Variants in ADCY10 observed in about 807,000 individuals in gnomAD.
The protein encoded by ADCY10 is adenylate cyclase type 10.
A neutral mutation model predicts 183.3 loss-of-function variants in ADCY10; 156 were observed. The ratio of observed to expected loss-of-function variants is 0.85; its 90% CI spans 0.75 to 0.97. The LOEUF (loss-of-function observed/expected upper bound fraction) is 0.97. ADCY10 is among the 50% of genes least tolerant of loss of function. The pLI, the probability that ADCY10 is intolerant of heterozygous loss-of-function variation, is 0.00. For synonymous variants in ADCY10, 645 were observed against 670.0 expected (o/e 0.96, Z 0.58); for missense variants, 1,745 against 1,934.3 (o/e 0.90, Z 1.84).
At chr1:167,842,591 CA>C (rs11306764) in intron 21 of ADCY10, among the ~76,000 whole-genome samples, 70,221 of 146,204 alleles carry the variant, frequency 0.48, 19,269 homozygotes, top group African/African-American at 0.78. Flanking sequence ...GAAGACACTG[CA>C]AAAAAAAAAA....
At chr1:167,880,938 G>A (rs953384550) in intron 9 of ADCY10, among the ~76,000 whole-genome samples, 1 of 152,122 alleles carries the variant, frequency 6.6e-6, no homozygotes, top group Non-Finnish European at 1.5e-5. Flanking sequence ...CAGCAGCACA[G>A]AGCAGTGGAA....
At chr1:167,831,559 A>C (rs910526532) in intron 25 of ADCY10, among the ~76,000 whole-genome samples, 1 of 152,166 alleles carries the variant, frequency 6.6e-6, no homozygotes, top group African/African-American at 2.4e-5. Flanking sequence ...ATGTTGTTCC[A>C]TGTCATACTC....
chr1:167,856,569 A>C, intron 16 of ADCY10, 130 bp from the exon 17 acceptor site: 1 of 886,790 alleles, frequency 1.1e-6, no homozygotes, highest in Non-Finnish European at 1.8e-6. Context: ...ACTAAGTTCA[A>C]TCTTTTCTTT....
Position 167,893,660 on chromosome 1 carries a change from C to A in ADCY10, c.828+193G>T, listed in dbSNP as rs143055562. Among the ~76,000 whole-genome samples, 148 of 131,422 alleles carry A rather than the reference C, an allele frequency of 1.1e-3. 1 individual carries two copies. In the East Asian group the frequency reaches 0.028, roughly 25 times the overall value. The allele number at this position is 131,422 out of a possible 152,430, so 86.2% of individuals were successfully genotyped here. On this transcript the variant is annotated intron_variant, in intron 8 of 32. Coordinates refer to ENST00000367851, the MANE Select transcript of ADCY10 (RefSeq NM_018417.6). ...GCAGTGAGCCAAGATCATGCTGCTG[C>A]ACTTCAGCCTGGGTGACAGAGTGAG...
intron 15 of ADCY10, 25 bp from the exon 16 acceptor site, chr1:167,859,918 T>C: frequency 6.5e-7 from 1 of 1,545,824 alleles, no homozygotes; most frequent in Middle Eastern, 1.7e-4. Context: ...ATGAGAATAT[T>C]GAGTATGGGA....
chr1:167,837,335 T>A lies in ADCY10; in HGVS notation c.3008-17A>T. ...TTTCTTCAGCTAGAAAATAAACAAATGAGTTGTATGGGTCATTGAAATGTT... is the reference window on the plus strand; with the variant it reads ...TTTCTTCAGCTAGAAAATAAACAAAAGAGTTGTATGGGTCATTGAAATGTT... On this transcript the variant is annotated splice_polypyrimidine_tract_variant and intron_variant, in intron 21 of 32. Coordinates refer to ENST00000367851, the MANE Select transcript of ADCY10 (RefSeq NM_018417.6). The A allele has an allele frequency of 1.3e-6, 2 of 1,596,594 alleles. No homozygotes were observed. Among genetic ancestry groups the A allele is most frequent in the Non-Finnish European group, 1.7e-6 (2 of 1,164,090 alleles).
intron 14 of ADCY10, among the ~76,000 whole-genome samples, chr1:167,863,323 G>A (rs540045950): frequency 3.7e-4 from 56 of 152,204 alleles, no homozygotes; most frequent in African/African-American, 1.2e-3. Flanking sequence ...GAAATCTCTC[G>A]TTCTGTTCTG....
At chr1:167,913,930 C>T (rs1670308351) in intron 1 of ADCY10, 46 bp downstream of exon 1, 1 of 152,352 alleles carries the variant, frequency 6.6e-6, no homozygotes, top group Non-Finnish European at 1.5e-5. Flanking sequence ...CCCTCATCTT[C>T]AGCTCTGCAA....
chr1:167,911,282 C>T lies in ADCY10; in HGVS notation c.-59+2694G>A, dbSNP rs372571221. Among the ~76,000 whole-genome samples the T allele has an allele frequency of 1.1e-4, 17 of 152,296 alleles. No homozygotes were observed. The East Asian group carries it at 2.5e-3, about 22-fold the overall frequency. On this transcript the variant is annotated intron_variant, in intron 1 of 32. Transcript: ENST00000367851. ...TAATTAGGAATAAATAGTAACTTAT[C>T]TTAAAAGCAAAATTTATTCAAAGAC...
rs746327114 is a variant in ADCY10, at chr1:167,899,615, G to T, written c.450C>A (p.Gly150=). The part of the protein sequence containing the change: ...DIRVKIGLAA[G]HISMLVFGDE... Reference sequence around the variant, plus strand: ...CTCCAAAGACCAACATGCTGATGTGGCCAGCAGCCAGTCCTGGCAAGAAGG... The same window carrying T: ...CTCCAAAGACCAACATGCTGATGTGTCCAGCAGCCAGTCCTGGCAAGAAGG... Residue 150 remains glycine, a synonymous_variant, in exon 6 of 33, where the codon GGC becomes GGA. Coordinates refer to ENST00000367851, the MANE Select transcript of ADCY10 (RefSeq NM_018417.6). 11 of 1,613,770 alleles carry T rather than the reference G, an allele frequency of 6.8e-6. 1 individual carries two copies. In the East Asian group the frequency reaches 1.8e-4, roughly 26 times the overall value.
intron 30 of ADCY10, chr1:167,820,662 G>C (rs1201830183): frequency 6.4e-6 from 1 of 155,166 alleles, no homozygotes; most frequent in East Asian, 1.9e-4. Context: ...TTTCTTGCCA[G>C]GTGCAGTGGC....
In ADCY10 at chr1:167,824,534, G is replaced by A; in HGVS notation, c.3994C>T (p.Pro1332Ser). The change falls in exon 28 of 33, where the codon CCC becomes TCC. Residue 1332 changes from proline to serine, a missense_variant. Transcript: ENST00000367851. ...CAGAGGGACTGATAATGTCGGTTGG[G>A]ATTCTGGAGCAGTGCCCACATCTGA... is the stretch of plus-strand genomic sequence containing the variant. ...ALQMWALLQN[P>S]NRHYQSLCRL... 1 of 1,614,184 alleles carries A rather than the reference G, an allele frequency of 6.2e-7. No individual in the cohort carries two copies. Among genetic ancestry groups the A allele is most frequent in the Middle Eastern group, 1.7e-4 (1 of 6,060 alleles).
intron 21 of ADCY10, among the ~76,000 whole-genome samples, chr1:167,842,725 C>T (rs1384944081): frequency 2.6e-5 from 4 of 152,110 alleles, no homozygotes; most frequent in Non-Finnish European, 5.9e-5. Context: ...ATTGGCTTAT[C>T]TAATGCCAGT....
In ADCY10 at chr1:167,880,594, A is replaced by G. The variant is rs1441109099; in HGVS notation, c.1036T>C (p.Cys346Arg). ...FMFDKGCSFLCVFGFPGEKVP... is the reference protein window; with the variant it reads ...FMFDKGCSFLRVFGFPGEKVP... ...TTTTCCCCAGGGAAGCCAAAGACAC[A>G]GAGGAAAGAGCAGCCCTGTGAGGGA... The change falls in exon 10 of 33, where the codon TGT (cysteine) becomes CGT (arginine). Residue 346 changes from cysteine to arginine, a missense_variant. Physicochemically the swap from Cys to Arg is radical, Grantham distance 180 (BLOSUM62 -3). Coordinates refer to ENST00000367851, the MANE Select transcript of ADCY10 (RefSeq NM_018417.6). 6 of 1,613,576 alleles carry G rather than the reference A, an allele frequency of 3.7e-6. No homozygotes were observed. In the East Asian group the frequency reaches 1.3e-4, roughly 36 times the overall value.
In ADCY10 at chr1:167,860,902, T is replaced by C. The variant is rs1666237472; in HGVS notation, c.1778A>G (p.Tyr593Cys). 3.1e-6 allele frequency: 5 copies of C among 1,614,030 alleles called. No homozygotes were observed. The highest frequency in any genetic ancestry group is 1.1e-5 in the South Asian group (1 of 91,078). ...KVMTLLDEKF[Y>C]CLLNDIFHVQ... ...ATGGAAAATGTCATTAAGAAGACAG[T>C]AGAACTTTTCATCCAACAGTGTCAT... Residue 593 changes from tyrosine (Y) to cysteine (C), a missense_variant, in exon 15 of 33, where the codon TAC (tyrosine) becomes TGC (cysteine). Transcript: ENST00000367851.
At chr1:167,861,136 G>A in intron 14 of ADCY10, 73 bp from the exon 15 acceptor site, 1 of 1,274,186 alleles carries the variant, frequency 7.8e-7, no homozygotes, top group Non-Finnish European at 1.1e-6. Flanking sequence ...GAGGTTGAAG[G>A]AAAGCTCTGT....
At chr1:167,888,803 G>A (rs546852132) in intron 8 of ADCY10, among the ~76,000 whole-genome samples, 1 of 150,060 alleles carries the variant, frequency 6.7e-6, no homozygotes, top group South Asian at 2.1e-4. Flanking sequence ...GTGAACCCGG[G>A]AGGCGGAGCG....
intron 7 of ADCY10, among the ~76,000 whole-genome samples, chr1:167,894,654 C>T (rs1380591321): frequency 6.6e-6 from 1 of 151,764 alleles, no homozygotes; most frequent in Non-Finnish European, 1.5e-5. Flanking sequence ...TTGGCTGGTC[C>T]TGATTTGTAG....
In ADCY10 at chr1:167,809,489, G is replaced by A. The variant is rs1362559914; in HGVS notation, c.*189C>T. The stretch of plus-strand genomic sequence containing the variant: ...TAAAAGCAATTTTTTGTAACATTAG[G>A]AAGAAGTAAACCATGACACTCCTGA... On this transcript the variant is annotated 3_prime_UTR_variant, in exon 33 of 33. Coordinates refer to ENST00000367851, the MANE Select transcript of ADCY10 (RefSeq NM_018417.6). 3.1e-6 allele frequency: 2 copies of A among 643,298 alleles called. No individual in the cohort carries two copies. Among genetic ancestry groups the A allele is most frequent in the Admixed American group, 3.0e-5 (1 of 33,464 alleles). The allele number at this position is 643,298 out of a possible 1,614,324, so 39.8% of individuals were successfully genotyped here.
Sources: gnomAD v4.1 joint callset for allele counts (sites outside exome capture counted in the v4.1 genomes callset) on GRCh38, gnomAD v4.1.1 for gene constraint, MANE v1.5 for transcripts, NCBI Gene and HGNC (gene_info 2026-07-23, HGNC 2026-07-21) for gene names.